Variants in WWOX observed in about 807,000 individuals in gnomAD.
WWOX encodes the protein WW domain-containing oxidoreductase.
A neutral mutation model predicts 46.2 loss-of-function variants in WWOX; 69 were observed. The observed-to-expected ratio is 1.49, with a 90% confidence interval of 1.23 to 1.82. WWOX has a LOEUF of 1.82. Ranked by LOEUF, WWOX falls within the 40% of genes most tolerant of loss-of-function variation. The probability of loss-of-function intolerance (pLI) is 0.00; values close to 1 mark genes in which losing one functional copy is unlikely to be tolerated. For synonymous variants in WWOX, 359 were observed against 202.6 expected (o/e 1.77, Z -6.56); for missense variants, 919 against 542.6 (o/e 1.69, Z -6.89).
intron 4 of WWOX, chr16:78,123,440 G>GTTTTGTTTTGTTTTTTTTTTTTTTT (rs1567584444): frequency 4.0e-5 from 2 of 50,480 alleles, no homozygotes; most frequent in Admixed American, 4.8e-4. Flanking sequence ...TTTTTGTTTT[G>GTTTTGTTTTGTTTTTTTTTTTTTTT]TTTTTTTTTT....
At chr16:78,323,176 C>T (rs922489826) in intron 5 of WWOX, among the ~76,000 whole-genome samples, 2 of 152,120 alleles carry the variant, frequency 1.3e-5, no homozygotes, top group Admixed American at 1.3e-4. Flanking sequence ...GGCACGATCT[C>T]AGCTCACTAC....
chr16:78,853,127 A>G (rs1436748669), intron 8 of WWOX, among the ~76,000 whole-genome samples: 1 of 152,242 alleles, frequency 6.6e-6, no homozygotes, highest in Admixed American at 6.5e-5. Context: ...GCATAACAAT[A>G]TGTTGTACTA....
chr16:78,890,750 G>GT (rs1203229431), intron 8 of WWOX: 3 of 152,142 alleles, frequency 2.0e-5, no homozygotes, highest in Admixed American at 6.5e-5. Context: ...TTCACTTTCT[G>GT]TTTTTTATCT....
chr16:78,926,800 T>C (rs2045508778), intron 8 of WWOX, among the ~76,000 whole-genome samples: 1 of 152,110 alleles, frequency 6.6e-6, no homozygotes, highest in Admixed American at 6.5e-5. Flanking sequence ...TTTTTTGTTT[T>C]TGTTTTCGTT....
At chr16:79,051,364 G>T (rs1003216994) in intron 8 of WWOX, among the ~76,000 whole-genome samples, 2 of 152,174 alleles carry the variant, frequency 1.3e-5, no homozygotes, top group African/African-American at 4.8e-5. Context: ...ATCCAAAACA[G>T]GTGCTGTGAT....
intron 8 of WWOX, among the ~76,000 whole-genome samples, chr16:78,912,340 A>G (rs571426533): frequency 6.6e-6 from 1 of 152,090 alleles, no homozygotes; most frequent in African/African-American, 2.4e-5. Context: ...TCATCCTTCC[A>G]GCTCTGGGAG....
intron 8 of WWOX, among the ~76,000 whole-genome samples, chr16:78,596,697 A>G (rs1183888176): frequency 1.3e-5 from 2 of 152,172 alleles, no homozygotes; most frequent in Non-Finnish European, 2.9e-5. Flanking sequence ...ATCAGTTGAG[A>G]GGTAAGCCGG....
At chr16:78,216,483 A>T (rs1477637667) in intron 5 of WWOX, among the ~76,000 whole-genome samples, 1 of 152,034 alleles carries the variant, frequency 6.6e-6, no homozygotes, top group Non-Finnish European at 1.5e-5. Flanking sequence ...GCTAAAATGT[A>T]GTTGTTGGCA....
chr16:78,556,742 C>G (rs920443853), intron 8 of WWOX, among the ~76,000 whole-genome samples: 2 of 151,852 alleles, frequency 1.3e-5, no homozygotes, highest in African/African-American at 4.8e-5. Context: ...TCGAGATGGA[C>G]TTTCGCTTTT....
At chr16:78,116,257 C>G (rs2151676457) in intron 4 of WWOX, among the ~76,000 whole-genome samples, 1 of 152,252 alleles carries the variant, frequency 6.6e-6, no homozygotes, top group African/African-American at 2.4e-5. Context: ...TTCTTTCTAT[C>G]TTTTTTGTAC....
intron 8 of WWOX, among the ~76,000 whole-genome samples, chr16:79,062,405 A>G (rs940836183): frequency 2.0e-5 from 3 of 151,576 alleles, no homozygotes; most frequent in Non-Finnish European, 2.9e-5. Flanking sequence ...TCCATAGGGA[A>G]GGCAGAGACT....
At chr16:78,808,241 T>C (rs1238491218) in intron 8 of WWOX, among the ~76,000 whole-genome samples, 1 of 152,180 alleles carries the variant, frequency 6.6e-6, no homozygotes, top group Non-Finnish European at 1.5e-5. Flanking sequence ...ACCCTGAACC[T>C]CTAGTCCTCA....
chr16:79,035,809 G>A lies in WWOX; in HGVS notation c.1057-175799G>A, dbSNP rs564715670. 2.9e-4 allele frequency among the ~76,000 whole-genome samples: 44 copies of A among 152,116 alleles called. 1 individual carries two copies. Among genetic ancestry groups the A allele is most frequent in the African/African-American group, 1.0e-3 (42 of 41,520 alleles). ...GAACAAAAGGCCAACCCCATTAGAC[G>A]GTGGCCAAGTTGGTGCTGTGAACAG... On this transcript the variant is annotated intron_variant, in intron 8 of 8. Transcript: ENST00000566780.
At chr16:78,134,489 C>G (rs1207604173) in intron 4 of WWOX, among the ~76,000 whole-genome samples, 1 of 151,988 alleles carries the variant, frequency 6.6e-6, no homozygotes, top group Non-Finnish European at 1.5e-5. Flanking sequence ...GAAATTTTTC[C>G]TTTTCATTAC....
intron 8 of WWOX, among the ~76,000 whole-genome samples, chr16:78,691,896 T>G (rs1415918990): frequency 1.3e-5 from 2 of 152,200 alleles, no homozygotes; most frequent in African/African-American, 4.8e-5. Context: ...GGGAGGTAAT[T>G]GAATCATGGG....
chr16:78,886,846 T>C (rs2044469167), intron 8 of WWOX, among the ~76,000 whole-genome samples: 1 of 152,098 alleles, frequency 6.6e-6, no homozygotes, highest in African/African-American at 2.4e-5. Flanking sequence ...CTTGGAAAGC[T>C]TTGTTAGAGT....
At chr16:78,154,375 G>A (rs1327057072) in intron 4 of WWOX, among the ~76,000 whole-genome samples, 1 of 152,018 alleles carries the variant, frequency 6.6e-6, no homozygotes, top group African/African-American at 2.4e-5. Context: ...TAAATCCACA[G>A]GCTCCCGCTG....
At chr16:78,685,900 A>C (rs1266861922) in intron 8 of WWOX, among the ~76,000 whole-genome samples, 3 of 128,220 alleles carry the variant, frequency 2.3e-5, no homozygotes, top group Non-Finnish European at 5.2e-5. Flanking sequence ...AGGAAAAAAA[A>C]CAAAAAAGAA....
chr16:79,127,653 A>G (rs1179126914), intron 8 of WWOX, among the ~76,000 whole-genome samples: 3 of 152,140 alleles, frequency 2.0e-5, no homozygotes, highest in Non-Finnish European at 4.4e-5. Flanking sequence ...CGGCTGAGAG[A>G]GTATGCACTC....
Sources: gnomAD v4.1 joint callset for allele counts (sites outside exome capture counted in the v4.1 genomes callset) on GRCh38, gnomAD v4.1.1 for gene constraint, MANE v1.5 for transcripts, NCBI Gene and HGNC (gene_info 2026-07-23, HGNC 2026-07-21) for gene names.